Variants in FAM135B observed in about 807,000 individuals in gnomAD.
FAM135B encodes protein FAM135B.
In FAM135B, 43 loss-of-function variants were observed where a neutral mutation model predicts 127.7. That is an observed-to-expected ratio of 0.34 (90% CI 0.26 to 0.43). FAM135B has a LOEUF of 0.43. Among genes scored for constraint, FAM135B ranks in the 20% least tolerant of loss-of-function variants. FAM135B has a pLI of 1.00. For missense variants in FAM135B, 1,558 were observed against 1,725.6 expected, an observed-to-expected ratio of 0.90 and a Z score of 1.72; for synonymous variants, 670 against 665.1, an observed-to-expected ratio of 1.01 and a Z score of -0.11.
At chr8:138,298,711 C>A (rs1309377542) in intron 3 of FAM135B, among the ~76,000 whole-genome samples, 6 of 151,964 alleles carry the variant, frequency 3.9e-5, no homozygotes, top group Non-Finnish European at 7.4e-5. Flanking sequence ...GACCCCACCT[C>A]TTATTATACC....
chr8:138,484,049 G>C lies in FAM135B; in HGVS notation c.-20+12622C>G, dbSNP rs552823741. On this transcript the variant is annotated intron_variant, in intron 1 of 19. Transcript: ENST00000395297. ...TCAATAAAGTATAAAGTGAAAGGAT[G>C]AACACCTAATATTTTGACTGCTCAT... 1.6e-4 allele frequency among the ~76,000 whole-genome samples: 24 copies of C among 152,272 alleles called. No homozygotes were observed. The South Asian group carries it at 5.0e-3, about 32-fold the overall frequency.
At chr8:138,180,730 C>T (rs576989914) in intron 9 of FAM135B, among the ~76,000 whole-genome samples, 4 of 152,284 alleles carry the variant, frequency 2.6e-5, no homozygotes, top group African/African-American at 9.6e-5. Flanking sequence ...AGATACAGAA[C>T]ATCATTCAGC....
chr8:138,291,721 T>C (rs1021625592), intron 3 of FAM135B, among the ~76,000 whole-genome samples: 2 of 152,098 alleles, frequency 1.3e-5, no homozygotes, highest in African/African-American at 4.8e-5. Flanking sequence ...AAAAAAGCAT[T>C]TGACAAAATT....
intron 3 of FAM135B, among the ~76,000 whole-genome samples, chr8:138,298,629 AT>A (rs1489665476): frequency 1.3e-5 from 2 of 152,020 alleles, no homozygotes; most frequent in Non-Finnish European, 1.5e-5. Context: ...AGAAGTCTGG[AT>A]TTTTTTTCTC....
intron 3 of FAM135B, among the ~76,000 whole-genome samples, chr8:138,286,310 C>A (rs896091731): frequency 6.6e-6 from 1 of 152,154 alleles, no homozygotes; most frequent in East Asian, 1.9e-4. Context: ...GCTCTTGGAC[C>A]CCTGGGTCAG....
chr8:138,408,483 G>C (rs1358797467), intron 1 of FAM135B, among the ~76,000 whole-genome samples: 1 of 152,252 alleles, frequency 6.6e-6, no homozygotes, highest in South Asian at 2.1e-4. Flanking sequence ...CTATAGAATT[G>C]AAAAGAGTTA....
Position 138,152,820 on chromosome 8 carries a change from G to T in FAM135B, c.1655C>A (p.Thr552Asn), listed in dbSNP as rs747731471. 1.2e-6 allele frequency: 2 copies of T among 1,614,162 alleles called. No individual in the cohort carries two copies. Among genetic ancestry groups the T allele is most frequent in the Admixed American group, 1.7e-5 (1 of 60,028 alleles). ...GPEDGQAPVL[T>N]YIDVKSSNKN... ...ATTGCTAGATTTTACGTCAATGTAGGTCAGCACTGGGGCCTGTCCATCCTC... is the reference window on the plus strand; with the variant it reads ...ATTGCTAGATTTTACGTCAATGTAGTTCAGCACTGGGGCCTGTCCATCCTC... Residue 552 changes from threonine to asparagine, a missense_variant, in exon 13 of 20, where the codon ACC (threonine) becomes AAC (asparagine). By Grantham distance (65) the Thr-to-Asn change is moderately conservative (BLOSUM62 0). Around this residue, in one of 5 missense-constraint regions of FAM135B, gnomAD observed 923 missense variants for 865.3 expected, o/e 1.07. Transcript: ENST00000395297.
intron 1 of FAM135B, chr8:138,438,994 AC>A (rs1215519292): frequency 6.6e-6 from 1 of 152,190 alleles, no homozygotes; most frequent in African/African-American, 2.4e-5. Context: ...CATAACTGGT[AC>A]CTAAAAAAAC....
chr8:138,145,724 C>G (rs1817596085), intron 15 of FAM135B, among the ~76,000 whole-genome samples: 1 of 152,200 alleles, frequency 6.6e-6, no homozygotes, highest in South Asian at 2.1e-4. Flanking sequence ...CCCTAATGCC[C>G]TGTGAGGGCA....
At chr8:138,427,757 G>GTAA (rs1834978560) in intron 1 of FAM135B, among the ~76,000 whole-genome samples, 2 of 152,048 alleles carry the variant, frequency 1.3e-5, no homozygotes, top group Non-Finnish European at 2.9e-5. Flanking sequence ...ATTGTATATT[G>GTAA]CTGTTGAAAT....
chr8:138,215,193 C>T (rs116713938), intron 7 of FAM135B, among the ~76,000 whole-genome samples: 2,888 of 152,254 alleles, frequency 0.019, 106 homozygotes, highest in African/African-American at 0.061. Context: ...CACAATCTAC[C>T]TAATCTTGGG....
intron 3 of FAM135B, among the ~76,000 whole-genome samples, chr8:138,276,981 G>A (rs1216184619): frequency 6.6e-6 from 1 of 152,168 alleles, no homozygotes; most frequent in Admixed American, 6.5e-5. Flanking sequence ...AGCAGTGCTT[G>A]TTATAACAAC....
intron 2 of FAM135B, among the ~76,000 whole-genome samples, chr8:138,356,898 T>C (rs1350509797): frequency 6.6e-6 from 1 of 152,158 alleles, no homozygotes; most frequent in Non-Finnish European, 1.5e-5. Context: ...CTATGTTTAA[T>C]TCTTCTAAGC....
chr8:138,294,889 T>C (rs1423877197), intron 3 of FAM135B, among the ~76,000 whole-genome samples: 1 of 152,202 alleles, frequency 6.6e-6, no homozygotes, highest in African/African-American at 2.4e-5. Flanking sequence ...ATCTGCAAGT[T>C]TCCCATTTAA....
chr8:138,159,460 T>C (rs532516689), intron 12 of FAM135B, among the ~76,000 whole-genome samples: 1 of 150,968 alleles, frequency 6.6e-6, no homozygotes, highest in Non-Finnish European at 1.5e-5. Context: ...TGTAGGGACA[T>C]GGATGAAGCT....
At chr8:138,258,603 T>C (rs914232748) in intron 4 of FAM135B, among the ~76,000 whole-genome samples, 1 of 152,200 alleles carries the variant, frequency 6.6e-6, no homozygotes, top group African/African-American at 2.4e-5. Context: ...ATTTTAAACT[T>C]GCTGCAATTT....
chr8:138,453,173 G>C (rs1373003393), intron 1 of FAM135B, among the ~76,000 whole-genome samples: 1 of 152,130 alleles, frequency 6.6e-6, no homozygotes, highest in Non-Finnish European at 1.5e-5. Flanking sequence ...CAAAAGCTAA[G>C]ACACTCTAAG....
rs74329790 is a variant in FAM135B, at chr8:138,491,584, C to T, written c.-20+5087G>A. 5.2e-3 allele frequency among the ~76,000 whole-genome samples: 799 copies of T among 152,288 alleles called. 4 individuals are homozygous for T. The highest frequency in any genetic ancestry group is 0.017 in the African/African-American group (725 of 41,544). Reference sequence around the variant, plus strand: ...GCTGGGACCAGCATCTACTCTGGCACGGAGGCAATCCTACGTTCACTCATT... The same window carrying T: ...GCTGGGACCAGCATCTACTCTGGCATGGAGGCAATCCTACGTTCACTCATT... On this transcript the variant is annotated intron_variant, in intron 1 of 19. Coordinates refer to ENST00000395297, the MANE Select transcript of FAM135B (RefSeq NM_015912.4).
intron 1 of FAM135B, among the ~76,000 whole-genome samples, chr8:138,391,074 C>T (rs565349790): frequency 3.2e-4 from 48 of 152,094 alleles, no homozygotes; most frequent in Non-Finnish European, 6.3e-4. Context: ...ACCCGAGAGT[C>T]ACCCTGCTCC....
Sources: gnomAD v4.1 joint callset for allele counts (sites outside exome capture counted in the v4.1 genomes callset) on GRCh38, gnomAD v4.1.1 for gene constraint, gnomAD v4.1.1 regional missense constraint, MANE v1.5 for transcripts, NCBI Gene and HGNC (gene_info 2026-07-23, HGNC 2026-07-21) for gene names.